HLA-DRA: variants seen among roughly 807,000 people sequenced by gnomAD.
The protein encoded by HLA-DRA is HLA class II histocompatibility antigen, DR alpha chain.
Under a neutral mutation model 22.1 loss-of-function variants are expected in HLA-DRA, and 8 were observed. The ratio of observed to expected loss-of-function variants is 0.36; its 90% CI spans 0.21 to 0.65. The LOEUF (loss-of-function observed/expected upper bound fraction) is 0.65. Ranked by LOEUF, HLA-DRA falls within the 30% of genes least tolerant of loss-of-function variation. HLA-DRA has a pLI of 0.63. For missense variants in HLA-DRA, 248 were observed against 321.3 expected, an observed-to-expected ratio of 0.77 and a Z score of 1.74; for synonymous variants, 101 against 117.1, an observed-to-expected ratio of 0.86 and a Z score of 0.89.
intron 4 of HLA-DRA, among the ~76,000 whole-genome samples, chr6:32,444,437 T>C (rs1762805000): frequency 6.6e-6 from 1 of 152,246 alleles, no homozygotes; most frequent in East Asian, 1.9e-4. Flanking sequence ...TAGTCTCAAA[T>C]GTAGTATGAG....
Position 32,443,738 on chromosome 6 carries a change from T to C in HLA-DRA, c.611-18T>C. ...TTCCCACACTCATTACCATGTACTC[T>C]GCCTTATTTCCCCCCAGAGTTTGAT... On this transcript the variant is annotated intron_variant, in intron 3 of 4. Coordinates refer to ENST00000395388, the MANE Select transcript of HLA-DRA (RefSeq NM_019111.5). 1 of 1,561,008 alleles carries C rather than the reference T, an allele frequency of 6.4e-7. No individual in the cohort carries two copies. Among genetic ancestry groups the C allele is most frequent in the African/African-American group, 1.4e-5 (1 of 73,242 alleles).
intron 4 of HLA-DRA, among the ~76,000 whole-genome samples, chr6:32,444,222 G>T (rs1762794900): frequency 9.1e-6 from 1 of 109,888 alleles, no homozygotes; most frequent in African/African-American, 3.1e-5. Flanking sequence ...AAATACATTA[G>T]AATATGGAGT....
chr6:32,442,345 C>G, intron 1 of HLA-DRA, 103 bp from the exon 2 acceptor site: 2 of 1,379,052 alleles, frequency 1.5e-6, no homozygotes. Flanking sequence ...TCCTCTTGGC[C>G]CAATCTCTCT....
chr6:32,440,103 G>C, intron 1 of HLA-DRA, 71 bp downstream of exon 1: 1 of 1,249,870 alleles, frequency 8.0e-7, no homozygotes, highest in Non-Finnish European at 1.2e-6. Context: ...ATGGACATTT[G>C]GAAGATAATG....
At chr6:32,444,581 G>A (rs1463030734) in intron 4 of HLA-DRA, 71 bp from the exon 5 acceptor site, 4 of 152,190 alleles carry the variant, frequency 2.6e-5, no homozygotes, top group Non-Finnish European at 5.9e-5. Context: ...AGAGAGAAGA[G>A]GAAGGAATCT....
At chr6:32,440,374 G>A (rs114196722) in intron 1 of HLA-DRA, among the ~76,000 whole-genome samples, 3,143 of 151,766 alleles carry the variant, frequency 0.021, 88 homozygotes, top group East Asian at 0.073. Context: ...TATTCTTTCT[G>A]GAAAATTAGT....
At chr6:32,444,419 TG>T (rs1430816224) in intron 4 of HLA-DRA, among the ~76,000 whole-genome samples, 1 of 152,236 alleles carries the variant, frequency 6.6e-6, no homozygotes, top group Non-Finnish European at 1.5e-5. Context: ...TGCCTGCTTT[TG>T]CTTCTTTAGT....
intron 1 of HLA-DRA, among the ~76,000 whole-genome samples, chr6:32,440,454 G>A (rs888588590): frequency 6.6e-6 from 1 of 151,962 alleles, no homozygotes; most frequent in African/African-American, 2.4e-5. Context: ...TATTAGCCCT[G>A]TTCTTATCTG....
chr6:32,443,360 C>T lies in HLA-DRA; in HGVS notation c.504C>T (p.His168=), dbSNP rs142014572. The T allele has an allele frequency of 5.0e-6, 8 of 1,612,858 alleles. No homozygotes were observed. The highest frequency in any genetic ancestry group is 1.7e-5 in the Admixed American group (1 of 60,002). The part of the protein sequence containing the change: ...SETVFLPRED[H]LFRKFHYLPF... ...CAGTCTTCCTGCCCAGGGAAGACCA[C>T]CTTTTCCGCAAGTTCCACTATCTCC... is the stretch of plus-strand genomic sequence containing the variant. Residue 168 remains histidine (H), a synonymous_variant, in exon 3 of 5, where the codon CAC becomes CAT. Transcript: ENST00000395388.
intron 4 of HLA-DRA, among the ~76,000 whole-genome samples, 188 bp from the exon 5 acceptor site, chr6:32,444,464 T>C (rs1485134229): frequency 6.7e-6 from 1 of 148,898 alleles, no homozygotes; most frequent in African/African-American, 2.5e-5. Context: ...TAAAAAAAGG[T>C]AAAGCATGGT....
Position 32,443,183 on chromosome 6 carries a change from A to C in HLA-DRA, c.329-2A>C. The stretch of plus-strand genomic sequence containing the variant: ...CTGTCATGTCTGTCATGTGTCCCCC[A>C]GTACCTCCAGAGGTAACTGTGCTCA... On this transcript the variant is annotated splice_acceptor_variant, in intron 2 of 4. Transcript: ENST00000395388. LOFTEE classifies it high-confidence loss of function. 6.2e-7 allele frequency: 1 copy of C among 1,610,986 alleles called. No homozygotes were observed. The highest frequency in any genetic ancestry group is 8.5e-7 in the Non-Finnish European group (1 of 1,178,218).
intron 4 of HLA-DRA, among the ~76,000 whole-genome samples, chr6:32,444,226 A>G (rs1023788031): frequency 9.1e-6 from 1 of 109,982 alleles, no homozygotes; most frequent in Non-Finnish European, 2.2e-5. Context: ...ACATTAGAAT[A>G]TGGAGTCTAG....
chr6:32,443,598 C>T, intron 3 of HLA-DRA, 132 bp downstream of exon 3: 2 of 1,147,726 alleles, frequency 1.7e-6, no homozygotes, highest in Non-Finnish European at 1.3e-6. Flanking sequence ...ATCCAGCTTC[C>T]TCCTTTTTTT....
chr6:32,443,511 A>G (rs771561521), intron 3 of HLA-DRA, 45 bp downstream of exon 3: 1 of 1,546,042 alleles, frequency 6.5e-7, no homozygotes, highest in Non-Finnish European at 8.9e-7. Flanking sequence ...GTTTCCTCCT[A>G]TGATGCTTGT....
rs370932716 is a variant in HLA-DRA at position 32,439,908 on chromosome 6, C to T, written c.-43C>T. 1.9e-5 allele frequency: 28 copies of T among 1,490,958 alleles called. No homozygotes were observed. The African/African-American group carries it at 2.9e-4, about 15-fold the overall frequency. The allele number at this position is 1,490,958 out of a possible 1,614,324, so 92.4% of individuals were successfully genotyped here. ...TTTTATTCTTGTCTGTTCTGCCTCA[C>T]TCCCGAGCTCTACTGACTCCCAACA... On this transcript the variant is annotated 5_prime_UTR_variant, in exon 1 of 5. Transcript: ENST00000395388.
At position 32,439,913 on chromosome 6, in the gene HLA-DRA, G is replaced by A; in HGVS notation, c.-38G>A. 1 of 1,536,482 alleles carries A rather than the reference G, an allele frequency of 6.5e-7. No individual in the cohort carries two copies. Among genetic ancestry groups the A allele is most frequent in the Non-Finnish European group, 9.0e-7 (1 of 1,109,514 alleles). On this transcript the variant is annotated 5_prime_UTR_variant, in exon 1 of 5. Coordinates refer to ENST00000395388, the MANE Select transcript of HLA-DRA (RefSeq NM_019111.5). Reference sequence around the variant, plus strand: ...TTCTTGTCTGTTCTGCCTCACTCCCGAGCTCTACTGACTCCCAACAGAGCG... The same window carrying A: ...TTCTTGTCTGTTCTGCCTCACTCCCAAGCTCTACTGACTCCCAACAGAGCG...
intron 1 of HLA-DRA, among the ~76,000 whole-genome samples, chr6:32,442,122 C>A: frequency 6.6e-6 from 1 of 152,302 alleles, no homozygotes; most frequent in Middle Eastern, 3.4e-3. Context: ...GGGGCTGCTG[C>A]TGGATTTCTA....
chr6:32,441,752 A>G (rs1173445062), intron 1 of HLA-DRA, among the ~76,000 whole-genome samples: 1 of 152,214 alleles, frequency 6.6e-6, no homozygotes, highest in Non-Finnish European at 1.5e-5. Context: ...CCTTAAATAA[A>G]GAGAAGCTTC....
chr6:32,442,748 T>A, intron 2 of HLA-DRA, 55 bp downstream of exon 2: 2 of 1,595,052 alleles, frequency 1.3e-6, no homozygotes, highest in Non-Finnish European at 1.7e-6. Context: ...TTGAAAGTAG[T>A]TGCTTCAGCT....
Sources: allele counts gnomAD v4.1 joint callset (sites outside exome capture counted in the v4.1 genomes callset), GRCh38; gene constraint gnomAD v4.1.1; transcripts MANE v1.5; gene names NCBI Gene and HGNC (gene_info 2026-07-23, HGNC 2026-07-21).